Variants in CAST observed in about 807,000 individuals in gnomAD.
The protein encoded by CAST is calpastatin, also known as MIR583 host.
A neutral mutation model predicts 119.6 loss-of-function variants in CAST; 76 were observed. The ratio of observed to expected loss-of-function variants is 0.64; its 90% CI spans 0.53 to 0.77. CAST has a LOEUF of 0.77. CAST is among the 30% of genes least tolerant of loss of function. The pLI is 0.00. For synonymous variants in CAST, 319 were observed against 331.6 expected (o/e 0.96, Z 0.41); for missense variants, 953 against 946.5 (o/e 1.01, Z -0.09).
the CAST span, among the ~76,000 whole-genome samples, chr5:96,024,125 CAA>C: frequency 3.9e-5 from 6 of 152,120 alleles, no homozygotes; most frequent in African/African-American, 1.4e-4. Context: ...GTGTTTGCCC[CAA>C]GTGACTTTTT....
chr5:95,961,629 A>G, the CAST span: 6 of 1,608,986 alleles, frequency 3.7e-6, no homozygotes, highest in Non-Finnish European at 5.1e-6. Flanking sequence ...TGAGCTTCAC[A>G]TGCAGTACGG....
chr5:96,227,825 C>T, the CAST span, among the ~76,000 whole-genome samples: 2 of 152,142 alleles, frequency 1.3e-5, no homozygotes, highest in African/African-American at 4.8e-5. Context: ...TTTGCAGTCA[C>T]TTTCCCACAC....
At chr5:96,078,104 G>A in the CAST span, among the ~76,000 whole-genome samples, 2 of 152,176 alleles carry the variant, frequency 1.3e-5, no homozygotes, top group East Asian at 3.8e-4. Flanking sequence ...ACATGGCAGA[G>A]GGAGAGAGAG....
chr5:96,010,594 G>A, the CAST span, among the ~76,000 whole-genome samples: 1 of 152,196 alleles, frequency 6.6e-6, no homozygotes, highest in Non-Finnish European at 1.5e-5. Context: ...TTACAGGCAT[G>A]AGCCACCACA....
chr5:96,617,640 A>T (rs1747491055), intron 1 of CAST, among the ~76,000 whole-genome samples: 1 of 151,716 alleles, frequency 6.6e-6, no homozygotes, highest in Non-Finnish European at 1.5e-5. Context: ...ATACAAAAAA[A>T]AATTAGCCAG....
intron 2 of CAST, among the ~76,000 whole-genome samples, chr5:96,677,777 T>C (rs1035882317): frequency 9.9e-5 from 15 of 152,150 alleles, no homozygotes; most frequent in African/African-American, 3.6e-4. Flanking sequence ...AAAATAAACA[T>C]AACAGAATTT....
At chr5:96,316,305 C>T in the CAST span, among the ~76,000 whole-genome samples, 8 of 152,244 alleles carry the variant, frequency 5.3e-5, no homozygotes, top group East Asian at 1.2e-3. Context: ...TATAATAGAG[C>T]TCAAAGTCAA....
the CAST span, among the ~76,000 whole-genome samples, chr5:96,228,626 G>A: frequency 6.6e-6 from 1 of 152,112 alleles, no homozygotes; most frequent in Non-Finnish European, 1.5e-5. Flanking sequence ...TGCGTGAAAA[G>A]GCTTCACAAG....
intron 19 of CAST, among the ~76,000 whole-genome samples, chr5:96,749,545 G>A (rs1226165001): frequency 1.3e-5 from 2 of 152,020 alleles, no homozygotes; most frequent in Non-Finnish European, 2.9e-5. Context: ...TTGTTTGTTT[G>A]TTTTGTTTTG....
the CAST span, among the ~76,000 whole-genome samples, chr5:96,014,732 G>C: frequency 3.9e-5 from 6 of 152,152 alleles, no homozygotes; most frequent in Non-Finnish European, 8.8e-5. Context: ...AAACTCCAGT[G>C]GGGGGTTGGG....
the CAST span, among the ~76,000 whole-genome samples, chr5:96,204,648 C>T: frequency 6.6e-6 from 1 of 152,042 alleles, no homozygotes; most frequent in Non-Finnish European, 1.5e-5. Flanking sequence ...TGCTCACCCT[C>T]CAGCTCAGTC....
At chr5:96,722,563 T>G (rs901992662) in intron 3 of CAST, 76 bp from the exon 4 acceptor site, 22 of 1,132,962 alleles carry the variant, frequency 1.9e-5, no homozygotes, top group Non-Finnish European at 3.0e-5. Context: ...GGCAGTATGG[T>G]TAAGAGGAGC....
At chr5:96,055,215 T>C in the CAST span, among the ~76,000 whole-genome samples, 1 of 152,230 alleles carries the variant, frequency 6.6e-6, no homozygotes, top group East Asian at 1.9e-4. Flanking sequence ...CTCTTTCCCC[T>C]TCTTTACTCT....
At chr5:96,105,376 C>T in the CAST span, among the ~76,000 whole-genome samples, 9 of 152,170 alleles carry the variant, frequency 5.9e-5, no homozygotes. Flanking sequence ...GTGGGTTTGT[C>T]ATAGATAGCT....
chr5:96,365,139 T>A, the CAST span, among the ~76,000 whole-genome samples: 1 of 152,188 alleles, frequency 6.6e-6, no homozygotes, highest in African/African-American at 2.4e-5. Flanking sequence ...CGGTTTTGAG[T>A]GAGTTTCTTA....
At chr5:96,510,677 A>G in the CAST span, among the ~76,000 whole-genome samples, 2 of 152,364 alleles carry the variant, frequency 1.3e-5, no homozygotes, top group South Asian at 4.1e-4. Flanking sequence ...TGAACTGTAT[A>G]TTAGATAATT....
intron 1 of CAST, among the ~76,000 whole-genome samples, chr5:96,576,754 G>A (rs1746679053): frequency 6.6e-6 from 1 of 151,768 alleles, no homozygotes; most frequent in South Asian, 2.1e-4. Context: ...GGTTGTTTGT[G>A]GTATTTCTTT....
chr5:96,497,324 G>T, the CAST span, among the ~76,000 whole-genome samples: 3 of 151,968 alleles, frequency 2.0e-5, no homozygotes, highest in Non-Finnish European at 2.9e-5. Flanking sequence ...TAAACATATG[G>T]GTGCATGTGT....
the CAST span, among the ~76,000 whole-genome samples, chr5:96,259,522 GTCT>G: frequency 2.1e-4 from 32 of 152,206 alleles, no homozygotes; most frequent in African/African-American, 7.5e-4. Flanking sequence ...TAATTTTGAG[GTCT>G]TCTAAATAAT....
Sources: allele counts gnomAD v4.1 joint callset (sites outside exome capture counted in the v4.1 genomes callset), GRCh38; gene constraint gnomAD v4.1.1; transcripts MANE v1.5; gene names NCBI Gene and HGNC (gene_info 2026-07-23, HGNC 2026-07-21).